The following KSR2 variants were observed in gnomAD, a reference collection of about 807,000 sequenced individuals.
KSR2 encodes the protein kinase suppressor of ras 2.
A neutral mutation model predicts 107.8 loss-of-function variants in KSR2; 25 were observed. The ratio of observed to expected loss-of-function variants is 0.23; its 90% CI spans 0.17 to 0.32. The LOEUF is 0.32. Ranked by LOEUF, KSR2 falls within the 10% of genes least tolerant of loss-of-function variation. The pLI, the probability that KSR2 is intolerant of heterozygous loss-of-function variation, is 1.00. For synonymous variants in KSR2, 480 were observed against 507.0 expected, an observed-to-expected ratio of 0.95 and a Z score of 0.71; for missense variants, 887 against 1,268.9, an observed-to-expected ratio of 0.70 and a Z score of 4.57.
chr12:117,759,691 T>C (rs539720765), intron 4 of KSR2, among the ~76,000 whole-genome samples: 2 of 152,226 alleles, frequency 1.3e-5, no homozygotes, highest in Non-Finnish European at 2.9e-5. Context: ...TCTGCCTCTA[T>C]AAATTGTCTA....
intron 3 of KSR2, among the ~76,000 whole-genome samples, chr12:117,849,365 T>C (rs1379188937): frequency 1.3e-5 from 2 of 152,122 alleles, no homozygotes; most frequent in Non-Finnish European, 2.9e-5. Context: ...TTTCTAGAGA[T>C]CAGAAGAGCA....
At chr12:117,504,787 T>C (rs1873575826) in intron 14 of KSR2, among the ~76,000 whole-genome samples, 1 of 152,198 alleles carries the variant, frequency 6.6e-6, no homozygotes, top group Admixed American at 6.5e-5. Context: ...GCTTTTGGGG[T>C]ACAAGTGGTT....
intron 14 of KSR2, among the ~76,000 whole-genome samples, chr12:117,520,871 T>C (rs1874714568): frequency 6.6e-6 from 1 of 152,062 alleles, no homozygotes; most frequent in African/African-American, 2.4e-5. Context: ...CGAGGGCATT[T>C]TGGTTGTCAC....
At chr12:117,778,832 G>A (rs1055419381) in intron 3 of KSR2, among the ~76,000 whole-genome samples, 3 of 152,204 alleles carry the variant, frequency 2.0e-5, no homozygotes, top group South Asian at 2.1e-4. Flanking sequence ...ACCCTTTGTT[G>A]TTCTATTGCT....
intron 2 of KSR2, among the ~76,000 whole-genome samples, chr12:117,858,632 G>A (rs1382506193): frequency 6.6e-6 from 1 of 152,176 alleles, no homozygotes; most frequent in African/African-American, 2.4e-5. Flanking sequence ...TCACTGGCAG[G>A]GAGGCAAGCT....
chr12:117,591,575 G>A (rs778207844), intron 5 of KSR2, among the ~76,000 whole-genome samples: 5 of 152,078 alleles, frequency 3.3e-5, no homozygotes, highest in Non-Finnish European at 7.4e-5. Flanking sequence ...CTGCACCAAT[G>A]GCAGCAAAGC....
At chr12:117,951,110 G>A (rs1240050981) in intron 1 of KSR2, among the ~76,000 whole-genome samples, 2 of 152,038 alleles carry the variant, frequency 1.3e-5, no homozygotes, top group East Asian at 3.9e-4. Flanking sequence ...GGATTTCACT[G>A]TGTTAGCCAG....
chr12:117,739,316 C>T (rs531047844), intron 4 of KSR2, among the ~76,000 whole-genome samples: 214 of 152,288 alleles, frequency 1.4e-3, no homozygotes, highest in Non-Finnish European at 2.2e-3. Context: ...GAGCGCGCCA[C>T]TGCACTCCAG....
rs144157118 is a variant in KSR2 at position 117,516,908 on chromosome 12, C to G, written c.2219+7944G>C. On this transcript the variant is annotated intron_variant, in intron 14 of 19. Transcript: ENST00000339824. ...TCCCACTGTTTTCCTCCTGGGAATACAGTTAGCTATTTTCCAGTCTTCTTT... is the reference window on the plus strand; with the variant it reads ...TCCCACTGTTTTCCTCCTGGGAATAGAGTTAGCTATTTTCCAGTCTTCTTT... Among the ~76,000 whole-genome samples the G allele has an allele frequency of 1.3e-3, 193 of 152,296 alleles. 1 individual carries two copies. The highest frequency in any genetic ancestry group is 4.5e-3 in the African/African-American group (188 of 41,560).
At chr12:117,615,384 T>TAAG (rs1281660333) in intron 5 of KSR2, among the ~76,000 whole-genome samples, 1 of 29,118 alleles carries the variant, frequency 3.4e-5, no homozygotes, top group Non-Finnish European at 6.0e-5. Context: ...CAACCAATGT[T>TAAG]AAATGCTTTG....
intron 5 of KSR2, among the ~76,000 whole-genome samples, chr12:117,601,640 C>CG (rs1257096254): frequency 2.0e-5 from 3 of 152,216 alleles, no homozygotes; most frequent in East Asian, 1.9e-4. Flanking sequence ...AGGACCCCCC[C>CG]CTAGAGCCTT....
chr12:117,529,184 G>A (rs972214922), intron 12 of KSR2, among the ~76,000 whole-genome samples: 2 of 152,114 alleles, frequency 1.3e-5, no homozygotes, highest in East Asian at 1.9e-4. Flanking sequence ...GGCTTCCATC[G>A]CAACCAAAGA....
Position 117,685,246 on chromosome 12 carries a change from G to C in KSR2, c.987-17588C>G, listed in dbSNP as rs187820434. Among the ~76,000 whole-genome samples the C allele has an allele frequency of 1.3e-3, 196 of 152,298 alleles. 1 individual carries two copies. The highest frequency in any genetic ancestry group is 4.3e-3 in the African/African-American group (179 of 41,562). The stretch of plus-strand genomic sequence containing the variant: ...TGATTTTCCTGCATCCCTGTGATTA[G>C]TGACTAATCTTATTTTTTTGTTCCC... On this transcript the variant is annotated intron_variant, in intron 4 of 19. Transcript: ENST00000339824.
intron 9 of KSR2, among the ~76,000 whole-genome samples, chr12:117,551,887 C>G (rs934674159): frequency 6.6e-6 from 1 of 152,188 alleles, no homozygotes; most frequent in Admixed American, 6.5e-5. Context: ...ATGTCACAGT[C>G]ACTGATCTAT....
intron 4 of KSR2, among the ~76,000 whole-genome samples, chr12:117,755,691 A>T (rs1888766016): frequency 6.6e-6 from 1 of 152,230 alleles, no homozygotes; most frequent in African/African-American, 2.4e-5. Flanking sequence ...GAAGAATTGT[A>T]CATCTATCAC....
chr12:117,550,490 A>T (rs1163862163), intron 9 of KSR2, among the ~76,000 whole-genome samples: 1 of 152,032 alleles, frequency 6.6e-6, no homozygotes, highest in East Asian at 1.9e-4. Context: ...TCCATAGCCC[A>T]CTCCCAACAC....
At chr12:117,547,174 T>C (rs1007026055) in intron 9 of KSR2, among the ~76,000 whole-genome samples, 3 of 152,238 alleles carry the variant, frequency 2.0e-5, no homozygotes, top group African/African-American at 7.2e-5. Context: ...GGGGAGGTAC[T>C]GCCTTGCTAT....
intron 5 of KSR2, among the ~76,000 whole-genome samples, chr12:117,661,452 G>C (rs1326416526): frequency 6.6e-6 from 1 of 152,060 alleles, no homozygotes; most frequent in Admixed American, 6.5e-5. Context: ...GAAAGAAAGA[G>C]GGAGAGAAAA....
At chr12:117,496,953 C>T (rs1592928557) in intron 14 of KSR2, among the ~76,000 whole-genome samples, 1 of 151,440 alleles carries the variant, frequency 6.6e-6, no homozygotes, top group Admixed American at 6.6e-5. Context: ...CGGGTTCAAG[C>T]GATTCTCCTG....
Sources: allele counts gnomAD v4.1 joint callset (sites outside exome capture counted in the v4.1 genomes callset), GRCh38; gene constraint gnomAD v4.1.1; transcripts MANE v1.5; gene names NCBI Gene and HGNC (gene_info 2026-07-23, HGNC 2026-07-21).